The following AHNAK2 variants were observed in gnomAD, a reference collection of about 807,000 sequenced individuals.
AHNAK2 encodes protein AHNAK2.
In AHNAK2, 18 loss-of-function variants were observed where a neutral mutation model predicts 30.7. The observed-to-expected ratio is 0.59, with a 90% CI of 0.41 to 0.87. AHNAK2 has a LOEUF of 0.87. Ranked by LOEUF, AHNAK2 falls within the 40% of genes least tolerant of loss-of-function variation. The pLI is 0.00. For synonymous variants in AHNAK2, 3,590 were observed against 3,073.8 expected, an observed-to-expected ratio of 1.17 and a Z score of -5.56; for missense variants, 8,604 against 7,373.0, an observed-to-expected ratio of 1.17 and a Z score of -6.11.
rs1327321019 is a variant in AHNAK2, at chr14:104,940,678, G to A, written c.14773C>T (p.Leu4925Phe). The change falls in exon 7 of 7, where the codon CTT (leucine) becomes TTT (phenylalanine). Residue 4925 changes from leucine to phenylalanine, a missense_variant. By Grantham distance (22) the Leu-to-Phe change is conservative. Coordinates refer to ENST00000333244, the MANE Select transcript of AHNAK2 (RefSeq NM_138420.4). This position sits in a 1 kb window ranked among gnomAD's most constrained non-coding sequence, Gnocchi z 4.4. ...ACTGATGTCTGCAAGGAGGCCACAA[G>A]CTCTTCTGGGCCCTGAGACACACAG... The part of the protein sequence containing the change: ...GTCVSQGPEE[L>F]VASLQTSVVA... 1.2e-6 allele frequency: 2 copies of A among 1,613,228 alleles called. No individual in the cohort carries two copies. Among genetic ancestry groups the A allele is most frequent in the Non-Finnish European group, 1.7e-6 (2 of 1,179,872 alleles).
In AHNAK2 at chr14:104,944,890, G is replaced by T. The variant is rs188246903; in HGVS notation, c.10561C>A (p.Leu3521Ile). 380 of 1,613,188 alleles carry T rather than the reference G, an allele frequency of 2.4e-4. 2 individuals carry two copies. Among genetic ancestry groups the T allele is most frequent in the Admixed American group, 1.1e-3 (67 of 59,984 alleles). ...SMQGDLKATD[L>I]SIQPPSADLE... is the part of the protein sequence containing the mutation. The stretch of plus-strand genomic sequence containing the variant: ...TCAGCGGAAGGGGGCTGAATGCTGA[G>T]GTCAGTGGCCTTGAGGTCCCCCTGC... Residue 3521 changes from leucine (L) to isoleucine (I), a missense_variant, in exon 7 of 7, where the codon CTC becomes ATC. By Grantham distance (5) the Leu-to-Ile change is conservative. Transcript: ENST00000333244.
At chr14:104,962,370 A>G (rs1428427933) in intron 1 of AHNAK2, among the ~76,000 whole-genome samples, 1 of 152,228 alleles carries the variant, frequency 6.6e-6, no homozygotes, top group Admixed American at 6.5e-5. Flanking sequence ...CAGTGAACAG[A>G]AAACAAAGTC....
intron 1 of AHNAK2, among the ~76,000 whole-genome samples, chr14:104,968,271 G>A (rs1215474057): frequency 6.6e-6 from 1 of 152,212 alleles, no homozygotes; most frequent in African/African-American, 2.4e-5. Context: ...GTACCACAGT[G>A]AAAGCCGCAG....
chr14:104,952,756 C>T lies in AHNAK2; in HGVS notation c.2695G>A (p.Val899Met). 6.2e-7 allele frequency: 1 copy of T among 1,612,678 alleles called. No individual in the cohort carries two copies. The highest frequency in any genetic ancestry group is 1.1e-5 in the South Asian group (1 of 91,048). The change falls in exon 7 of 7, where the codon GTG becomes ATG. Residue 899 changes from valine (V) to methionine (M), a missense_variant. Transcript: ENST00000333244. ...DLEVQAGQVD[V>M]KLPEGPVPEG... ...GGCACAGGGCCCTCCGGAAGTTTCA[C>T]ATCCACTTGGCCAGCCTGGACCTCC...
rs778567317 is a variant in AHNAK2, at chr14:104,938,720, G to A, written c.16731C>T (p.Ile5577=). 3.3e-5 allele frequency: 54 copies of A among 1,613,568 alleles called. No homozygotes were observed. The highest frequency in any genetic ancestry group is 4.2e-5 in the Non-Finnish European group (50 of 1,179,832). The stretch of plus-strand genomic sequence containing the variant: ...GTCCCAGTACATTGACGCTGGAAGA[G>A]ATCATCTCAAATGGTTCTCCAGTGT... ...QPDTGEPFEM[I]SSSVNVLGQQ... The change falls in exon 7 of 7, where the codon ATC becomes ATT. Residue 5577 remains isoleucine, a synonymous_variant. Transcript: ENST00000333244.
intron 1 of AHNAK2, chr14:104,970,342 G>T: frequency 2.3e-6 from 2 of 860,960 alleles, no homozygotes; most frequent in Non-Finnish European, 2.8e-6. Flanking sequence ...GTCGGGGGAT[G>T]CCTAGCCCAG....
At position 104,949,426 on chromosome 14, in the gene AHNAK2, C is replaced by T; in HGVS notation, c.6025G>A (p.Ala2009Thr). The T allele has an allele frequency of 6.3e-7, 1 of 1,587,362 alleles. No individual in the cohort carries two copies. The highest frequency in any genetic ancestry group is 1.1e-5 in the South Asian group (1 of 89,838). ...TTGGGTGCAGGCACATCCACCGAGG[C>T]CTCGATGGACCTCCCTGGGGCCGAT... ...GVSAPGRSIE[A>T]SVDVPAPKVE... Residue 2009 changes from alanine (A) to threonine (T), a missense_variant, in exon 7 of 7, where the codon GCC (alanine) becomes ACC (threonine). Ala to Thr is a moderately conservative substitution (Grantham distance 58). Coordinates refer to ENST00000333244, the MANE Select transcript of AHNAK2 (RefSeq NM_138420.4).
intron 1 of AHNAK2, among the ~76,000 whole-genome samples, chr14:104,969,319 G>A (rs773443934): frequency 4.6e-5 from 7 of 152,300 alleles, no homozygotes; most frequent in Non-Finnish European, 7.4e-5. Context: ...GCCATCCATC[G>A]GTCAGACTGG....
intron 1 of AHNAK2, among the ~76,000 whole-genome samples, chr14:104,965,901 C>T (rs1055052350): frequency 6.6e-6 from 1 of 152,222 alleles, no homozygotes; most frequent in Non-Finnish European, 1.5e-5. Context: ...GACCACCCTG[C>T]CTGCCCTGAC....
rs1406759736 is a variant in AHNAK2 at position 104,948,384 on chromosome 14, G to A, written c.7067C>T (p.Ser2356Phe). The A allele has an allele frequency of 3.1e-6, 5 of 1,612,576 alleles. No individual in the cohort carries two copies. Among genetic ancestry groups the A allele is most frequent in the Non-Finnish European group, 4.2e-6 (5 of 1,179,578 alleles). ...LKVEADVSLP[S>F]MQGDLKTTDL... is the part of the protein sequence containing the mutation. Reference sequence around the variant, plus strand: ...AGTGGTCTTGAGGTCCCCCTGCATGGAGGGGAGGCTCACGTCGGCCTCCAC... The same window carrying A: ...AGTGGTCTTGAGGTCCCCCTGCATGAAGGGGAGGCTCACGTCGGCCTCCAC... Residue 2356 changes from serine to phenylalanine, a missense_variant, in exon 7 of 7, where the codon TCC becomes TTC. Transcript: ENST00000333244.
Position 104,950,236 on chromosome 14 carries a change from C to T in AHNAK2, c.5215G>A (p.Gly1739Arg), listed in dbSNP as rs1351047526. ...GGCATCTGCACCTTGGGGAGGTGCC[C>T]TTTGAAGCCGGCTCCCTCGGGAAGG... The part of the protein sequence containing the change: ...GPLPEGAGFK[G>R]HLPKVQMPSL... Residue 1739 changes from glycine (G) to arginine (R), a missense_variant, in exon 7 of 7, where the codon GGG becomes AGG. Physicochemically the swap from Gly to Arg is moderately radical, Grantham distance 125. Coordinates refer to ENST00000333244, the MANE Select transcript of AHNAK2 (RefSeq NM_138420.4). 2 of 1,585,600 alleles carry T rather than the reference C, an allele frequency of 1.3e-6. No homozygotes were observed. Among genetic ancestry groups the T allele is most frequent in the South Asian group, 2.2e-5 (2 of 89,880 alleles).
In AHNAK2 at chr14:104,946,883, A is replaced by T; in HGVS notation, c.8568T>A (p.Leu2856=). 3 of 1,609,970 alleles carry T rather than the reference A, an allele frequency of 1.9e-6. No homozygotes were observed. The highest frequency in any genetic ancestry group is 2.5e-6 in the Non-Finnish European group (3 of 1,178,966). ...DGSFPSMQGD[L]KTTDIRIQPP... ...GCTGAATGCGGATGTCAGTGGTCTT[A>T]AGATCCCCTTGCATGGAGGGGAAGC... Residue 2856 remains leucine (L), a synonymous_variant, in exon 7 of 7, where the codon CTT becomes CTA. Coordinates refer to ENST00000333244, the MANE Select transcript of AHNAK2 (RefSeq NM_138420.4).
chr14:104,953,381 T>C lies in AHNAK2; in HGVS notation c.2070A>G (p.Pro690=). The C allele has an allele frequency of 2.5e-6, 4 of 1,614,006 alleles. No homozygotes were observed. The highest frequency in any genetic ancestry group is 3.4e-6 in the Non-Finnish European group (4 of 1,179,892). Residue 690 remains proline (P), a synonymous_variant, in exon 7 of 7, where the codon CCA becomes CCG. Coordinates refer to ENST00000333244, the MANE Select transcript of AHNAK2 (RefSeq NM_138420.4). The stretch of plus-strand genomic sequence containing the variant: ...CCACCGAGGCCTCCATGGACTTGCC[T>C]GGGGCTGACGCCCCGAACAATGGCA... ...FKMPLFGASA[P]GKSMEASVDV...
At chr14:104,964,879 A>T (rs577460568) in intron 1 of AHNAK2, among the ~76,000 whole-genome samples, 7 of 152,362 alleles carry the variant, frequency 4.6e-5, no homozygotes, top group African/African-American at 1.7e-4. Flanking sequence ...AATCAAACAC[A>T]ATTATAAACT....
In AHNAK2 at chr14:104,945,738, T is replaced by C. The variant is rs768971073; in HGVS notation, c.9713A>G (p.Lys3238Arg). 3.1e-6 allele frequency: 5 copies of C among 1,597,728 alleles called. No homozygotes were observed. In the African/African-American group the frequency reaches 5.5e-5, roughly 18 times the overall value. The change falls in exon 7 of 7, where the codon AAA (lysine) becomes AGA (arginine). Residue 3238 changes from lysine (K) to arginine (R), a missense_variant. Coordinates refer to ENST00000333244, the MANE Select transcript of AHNAK2 (RefSeq NM_138420.4). ...KLQMPSFKMP[K>R]VDRKGPQIDI... is the part of the protein sequence containing the mutation. ...TATCTGGGGGCCCTTGCGATCTACT[T>C]TGGGCATCTTGAAACTGGGCATCTG...
chr14:104,952,449 G>A lies in AHNAK2; in HGVS notation c.3002C>T (p.Pro1001Leu), dbSNP rs1898787686. 1 of 1,612,742 alleles carries A rather than the reference G, an allele frequency of 6.2e-7. No individual in the cohort carries two copies. The highest frequency in any genetic ancestry group is 8.5e-7 in the Non-Finnish European group (1 of 1,179,622). ...VTAKDSKFKM[P>L]KFKMPSFGVS... ...CCCGAACGACGGCATCTTGAACTTG[G>A]GCATTTTGAACTTGCTGTCTTTGGC... The change falls in exon 7 of 7, where the codon CCC becomes CTC. Residue 1001 changes from proline (P) to leucine (L), a missense_variant. By Grantham distance (98) the Pro-to-Leu change is moderately conservative (BLOSUM62 -3). Transcript: ENST00000333244.
rs746751645 is a variant in AHNAK2 at position 104,949,564 on chromosome 14, C to G, written c.5887G>C (p.Ala1963Pro). 1.4e-5 allele frequency: 23 copies of G among 1,588,302 alleles called. 2 individuals carry two copies. In the African/African-American group the frequency reaches 2.9e-4, roughly 20 times the overall value. Residue 1963 changes from alanine to proline, a missense_variant, in exon 7 of 7, where the codon GCT becomes CCT. Ala to Pro is a conservative substitution (Grantham distance 27). Transcript: ENST00000333244. ...SMEVDVQAQK[A>P]KLDGARLEGD... ...TCCAGCCGCGCACCATCCAGCTTAGCCTTCTGGGCCTGGACATCCACCTCC... is the reference window on the plus strand; with the variant it reads ...TCCAGCCGCGCACCATCCAGCTTAGGCTTCTGGGCCTGGACATCCACCTCC...
Position 104,949,642 on chromosome 14 carries a change from C to A in AHNAK2, c.5809G>T (p.Gly1937Cys), listed in dbSNP as rs1176372886. Reference protein sequence around the residue: ...DVKGAKLDLKGPKAEVTAPDV... With the variant: ...DVKGAKLDLKCPKAEVTAPDV... The stretch of plus-strand genomic sequence containing the variant: ...GGGGCTGTCACTTCCGCCTTGGGGC[C>A]TTTCAGGTCCAGCTTGGCGCCCTTA... The change falls in exon 7 of 7, where the codon GGC becomes TGC. Residue 1937 changes from glycine to cysteine, a missense_variant. Coordinates refer to ENST00000333244, the MANE Select transcript of AHNAK2 (RefSeq NM_138420.4). 6.3e-7 allele frequency: 1 copy of A among 1,588,538 alleles called. No individual in the cohort carries two copies. The highest frequency in any genetic ancestry group is 1.7e-5 in the Admixed American group (1 of 57,534).
intron 1 of AHNAK2, among the ~76,000 whole-genome samples, chr14:104,962,226 A>G (rs1899168073): frequency 1.3e-5 from 2 of 152,288 alleles, no homozygotes; most frequent in Admixed American, 1.3e-4. Flanking sequence ...TCTCAGGTGC[A>G]CAGGGGACAG....
Sources: gnomAD v4.1 joint callset for allele counts (sites outside exome capture counted in the v4.1 genomes callset) on GRCh38, gnomAD v4.1.1 for gene constraint, Gnocchi (gnomAD v3.1) non-coding constraint, MANE v1.5 for transcripts, NCBI Gene and HGNC (gene_info 2026-07-23, HGNC 2026-07-21) for gene names.